The following ATG4C variants were observed in gnomAD, a reference collection of about 807,000 sequenced individuals.
ATG4C encodes the protein cysteine protease ATG4C.
A neutral mutation model predicts 57.6 loss-of-function variants in ATG4C; 56 were observed. The observed-to-expected ratio is 0.97, with a 90% confidence interval of 0.78 to 1.21. The LOEUF (loss-of-function observed/expected upper bound fraction) is 1.21, where lower values mean the gene tolerates loss of function less well. ATG4C is among the 50% of genes most tolerant of loss of function. The pLI, the probability that ATG4C is intolerant of heterozygous loss-of-function variation, is 0.00. For missense variants in ATG4C, 595 were observed against 529.8 expected (o/e 1.12, Z -1.21); for synonymous variants, 157 against 174.1 (o/e 0.90, Z 0.78).
intron 10 of ATG4C, among the ~76,000 whole-genome samples, chr1:62,859,923 A>C (rs951409603): frequency 6.6e-5 from 10 of 152,156 alleles, no homozygotes; most frequent in African/African-American, 2.4e-4. Context: ...AACTTTATAA[A>C]GTTTTAAATT....
intron 3 of ATG4C, among the ~76,000 whole-genome samples, chr1:62,808,774 G>A (rs1306722491): frequency 6.6e-6 from 1 of 152,102 alleles, no homozygotes; most frequent in South Asian, 2.1e-4. Flanking sequence ...TACTAGAGTG[G>A]TACGAATAGA....
chr1:62,826,916 G>A (rs1015054031), intron 6 of ATG4C, among the ~76,000 whole-genome samples: 6 of 152,088 alleles, frequency 3.9e-5, no homozygotes, highest in Non-Finnish European at 8.8e-5. Flanking sequence ...TAACTGCAGC[G>A]GCTTTGTAAC....
At chr1:62,834,747 A>T (rs1434059983) in intron 8 of ATG4C, 29 bp from the exon 9 acceptor site, 2 of 1,577,586 alleles carry the variant, frequency 1.3e-6, no homozygotes, top group Admixed American at 1.7e-5. Flanking sequence ...TGTTTTTTGA[A>T]TTACTTGTCT....
intron 10 of ATG4C, among the ~76,000 whole-genome samples, chr1:62,847,466 A>G (rs923744523): frequency 6.6e-6 from 1 of 152,220 alleles, no homozygotes; most frequent in Non-Finnish European, 1.5e-5. Context: ...CATGAGAAAG[A>G]AAAATAGAAG....
chr1:62,854,754 C>T (rs1666631567), intron 10 of ATG4C, among the ~76,000 whole-genome samples: 1 of 151,996 alleles, frequency 6.6e-6, no homozygotes, highest in South Asian at 2.1e-4. Context: ...AATGAGCTTG[C>T]CTTTTTGTTG....
intron 6 of ATG4C, among the ~76,000 whole-genome samples, chr1:62,824,364 G>A (rs1003292819): frequency 2.0e-5 from 3 of 152,114 alleles, no homozygotes; most frequent in Non-Finnish European, 4.4e-5. Context: ...ATGGGAGATA[G>A]GGGAGTTAGG....
chr1:62,834,194 C>G (rs1035148604), intron 8 of ATG4C, 78 bp downstream of exon 8: 2 of 1,369,958 alleles, frequency 1.5e-6, no homozygotes, highest in African/African-American at 2.9e-5. Flanking sequence ...CATCTGGAAA[C>G]AGGATGATTA....
At chr1:62,843,922 A>G (rs1455985065) in intron 10 of ATG4C, among the ~76,000 whole-genome samples, 1 of 152,238 alleles carries the variant, frequency 6.6e-6, no homozygotes, top group African/African-American at 2.4e-5. Context: ...AGAGGGTTGA[A>G]ATGAGAGAGA....
intron 1 of ATG4C, among the ~76,000 whole-genome samples, chr1:62,798,076 C>A (rs571850398): frequency 3.9e-5 from 6 of 152,318 alleles, no homozygotes; most frequent in African/African-American, 1.4e-4. Flanking sequence ...CCCACTTTAG[C>A]CTCCCAAAGT....
intron 1 of ATG4C, among the ~76,000 whole-genome samples, chr1:62,785,861 A>G (rs927400656): frequency 6.6e-5 from 10 of 152,212 alleles, no homozygotes; most frequent in African/African-American, 1.4e-4. Flanking sequence ...ATTTCAGAAT[A>G]AATTTACTCA....
chr1:62,849,189 AC>A, intron 10 of ATG4C, among the ~76,000 whole-genome samples: 1 of 152,034 alleles, frequency 6.6e-6, no homozygotes, highest in South Asian at 2.1e-4. Context: ...TCTTCAACAT[AC>A]CCAGTTGACC....
intron 10 of ATG4C, among the ~76,000 whole-genome samples, chr1:62,853,935 T>G (rs1269891444): frequency 6.6e-6 from 1 of 152,120 alleles, no homozygotes; most frequent in Non-Finnish European, 1.5e-5. Context: ...TCTGAATTGC[T>G]CCCTAGTTTT....
intron 10 of ATG4C, among the ~76,000 whole-genome samples, chr1:62,842,065 C>G (rs930479588): frequency 6.6e-6 from 1 of 152,182 alleles, no homozygotes; most frequent in East Asian, 1.9e-4. Context: ...TTATAGGATC[C>G]TTGAAAGAGG....
intron 3 of ATG4C, among the ~76,000 whole-genome samples, chr1:62,816,109 A>G (rs939022630): frequency 1.3e-5 from 2 of 152,106 alleles, no homozygotes; most frequent in African/African-American, 4.8e-5. Context: ...GTGTATCTGA[A>G]AACGTCTTTA....
chr1:62,847,593 G>A (rs1485724063), intron 10 of ATG4C, among the ~76,000 whole-genome samples: 2 of 152,056 alleles, frequency 1.3e-5, no homozygotes, highest in Non-Finnish European at 2.9e-5. Context: ...ACCACACAAT[G>A]AGTAAAAAAT....
rs1258341216 is a variant in ATG4C, at chr1:62,864,082, A to G, written c.1300A>G (p.Asn434Asp). The G allele has an allele frequency of 6.8e-6, 11 of 1,606,852 alleles. No individual in the cohort carries two copies. Among genetic ancestry groups the G allele is most frequent in the African/African-American group, 1.3e-5 (1 of 74,506 alleles). The part of the protein sequence containing the change: ...RDYDFTSTTT[N>D]EEDLFSEDEK... ...CTATGATTTTACATCTACTACAACC[A>G]ATGAAGAAGACCTTTTTTCAGAGGA... is the stretch of plus-strand genomic sequence containing the variant. Residue 434 changes from asparagine to aspartate, a missense_variant, in exon 11 of 11, where the codon AAT becomes GAT. Physicochemically the swap from Asn to Asp is conservative, Grantham distance 23. Coordinates refer to ENST00000317868, the MANE Select transcript of ATG4C (RefSeq NM_032852.4).
intron 1 of ATG4C, among the ~76,000 whole-genome samples, chr1:62,785,660 A>G (rs1477319835): frequency 2.0e-5 from 3 of 152,192 alleles, no homozygotes; most frequent in Non-Finnish European, 2.9e-5. Flanking sequence ...CTCGTTTTCT[A>G]TTCCAATTAT....
intron 1 of ATG4C, among the ~76,000 whole-genome samples, chr1:62,785,019 C>T (rs546552514): frequency 6.6e-6 from 1 of 152,324 alleles, no homozygotes; most frequent in Admixed American, 6.5e-5. Context: ...CCACATGGGG[C>T]TCACTGCTAC....
chr1:62,855,063 G>A (rs373401720), intron 10 of ATG4C, among the ~76,000 whole-genome samples: 5 of 151,922 alleles, frequency 3.3e-5, no homozygotes, highest in South Asian at 4.2e-4. Context: ...TGGCTGGAGA[G>A]GGGGGTGAAG....
Sources: allele counts gnomAD v4.1 joint callset (sites outside exome capture counted in the v4.1 genomes callset), GRCh38; gene constraint gnomAD v4.1.1; transcripts MANE v1.5; gene names NCBI Gene and HGNC (gene_info 2026-07-23, HGNC 2026-07-21).